Variants in IL1RAPL1 observed in about 807,000 individuals in gnomAD.
IL1RAPL1 encodes interleukin-1 receptor accessory protein-like 1.
IL1RAPL1 carries 3 observed loss-of-function variants against 48.4 expected under a neutral mutation model. The ratio of observed to expected loss-of-function variants is 0.06; its 90% CI spans 0.03 to 0.16. IL1RAPL1 has a LOEUF of 0.16. Ranked by LOEUF, IL1RAPL1 falls within the 10% of genes least tolerant of loss-of-function variation. The probability of loss-of-function intolerance (pLI) is 1.00; values close to 1 mark genes in which losing one functional copy is unlikely to be tolerated. For missense variants in IL1RAPL1, 349 were observed against 530.6 expected (o/e 0.66, Z 3.36); for synonymous variants, 185 against 187.7 (o/e 0.99, Z 0.12).
At chrX:29,785,511 T>C (rs1929475360) in intron 6 of IL1RAPL1, among the ~76,000 whole-genome samples, 1 of 112,362 alleles carries the variant, frequency 8.9e-6, no homozygotes, top group Non-Finnish European at 1.9e-5. Context: ...TTACAGATGC[T>C]TTATACATCT....
At chrX:29,079,943 A>G (rs1927763896) in intron 2 of IL1RAPL1, among the ~76,000 whole-genome samples, 1 of 111,694 alleles carries the variant, frequency 9.0e-6, no homozygotes, top group African/African-American at 3.3e-5. Flanking sequence ...CCAACAAACC[A>G]ATTTTGAATA....
In IL1RAPL1 at chrX:29,956,367, G is replaced by C. The variant is rs1352229605; in HGVS notation, c.*547G>C. 1.9e-5 allele frequency: 2 copies of C among 105,251 alleles called. No homozygotes were observed. The highest frequency in any genetic ancestry group is 1.0e-4 in the Admixed American group (1 of 9,685). The allele number at this position is 105,251 out of a possible 1,213,427, so 8.7% of individuals were successfully genotyped here. ...AAAAAAAAAGATGAGAAGAACACTT[G>C]TTCATAGGAGGGCCCCACCAGTCAG... On this transcript the variant is annotated 3_prime_UTR_variant, in exon 11 of 11. Transcript: ENST00000378993.
chrX:29,085,880 C>A (rs909427367), intron 2 of IL1RAPL1, among the ~76,000 whole-genome samples: 3 of 111,691 alleles, frequency 2.7e-5, no homozygotes, highest in African/African-American at 9.8e-5. Context: ...ATAAGTGAAA[C>A]CTCCAGGTTA....
chrX:29,100,475 A>C (rs767342562), intron 2 of IL1RAPL1, among the ~76,000 whole-genome samples: 28 of 111,384 alleles, frequency 2.5e-4, no homozygotes, highest in Non-Finnish European at 5.1e-4. Context: ...CCTACTAGCT[A>C]CTTTGATTGG....
chrX:29,624,659 A>T, intron 5 of IL1RAPL1, among the ~76,000 whole-genome samples: 1 of 105,551 alleles, frequency 9.5e-6, no homozygotes, highest in Non-Finnish European at 1.9e-5. Context: ...CGTGGGGGAA[A>T]CCCTGTTTTT....
intron 1 of IL1RAPL1, among the ~76,000 whole-genome samples, chrX:28,647,923 C>G (rs765133064): frequency 8.9e-6 from 1 of 111,748 alleles, no homozygotes; most frequent in Non-Finnish European, 1.9e-5. Flanking sequence ...CTTAAAACAT[C>G]TCTTCATATC....
At chrX:29,727,761 T>C (rs924016960) in intron 6 of IL1RAPL1, among the ~76,000 whole-genome samples, 2 of 111,646 alleles carry the variant, frequency 1.8e-5, no homozygotes, top group Non-Finnish European at 3.8e-5. Context: ...TTACAAGCAA[T>C]TGGCAAGTGT....
intron 2 of IL1RAPL1, among the ~76,000 whole-genome samples, chrX:29,199,175 G>A (rs1271622868): frequency 8.9e-6 from 1 of 111,773 alleles, no homozygotes; most frequent in Non-Finnish European, 1.9e-5. Context: ...AGAGATTGTT[G>A]TGAATATCAG....
At chrX:29,052,820 T>A (rs2147426183) in intron 2 of IL1RAPL1, among the ~76,000 whole-genome samples, 1 of 111,351 alleles carries the variant, frequency 9.0e-6, no homozygotes, top group East Asian at 2.8e-4. Flanking sequence ...TACAGGCACC[T>A]GCCACCACGC....
At chrX:29,179,709 C>T (rs767706505) in intron 2 of IL1RAPL1, among the ~76,000 whole-genome samples, 1 of 111,505 alleles carries the variant, frequency 9.0e-6, no homozygotes, top group South Asian at 3.8e-4. Context: ...ATAGGCTCTG[C>T]TGTGACTTTT....
At chrX:29,069,670 C>CACACACACACACACA (rs59221015) in intron 2 of IL1RAPL1, among the ~76,000 whole-genome samples, 3 of 105,128 alleles carry the variant, frequency 2.9e-5, no homozygotes, top group Non-Finnish European at 5.9e-5. Context: ...CACACACACA[C>CACACACACACACACA]CCCTCCCCTT....
intron 1 of IL1RAPL1, among the ~76,000 whole-genome samples, chrX:28,683,430 A>T (rs1935082190): frequency 9.0e-6 from 1 of 111,524 alleles, no homozygotes; most frequent in Non-Finnish European, 1.9e-5. Flanking sequence ...GTACTTAATT[A>T]TAATATTTTT....
intron 3 of IL1RAPL1, among the ~76,000 whole-genome samples, chrX:29,342,806 G>A (rs1933100878): frequency 8.9e-6 from 1 of 112,622 alleles, no homozygotes; most frequent in South Asian, 3.6e-4. Context: ...TGTTGATAAT[G>A]TGTTTCTCTT....
At chrX:29,676,174 T>C (rs1020013644) in intron 6 of IL1RAPL1, among the ~76,000 whole-genome samples, 3 of 111,785 alleles carry the variant, frequency 2.7e-5, no homozygotes, top group African/African-American at 9.7e-5. Flanking sequence ...GGTACCAAGA[T>C]AGTACTGCTT....
intron 5 of IL1RAPL1, among the ~76,000 whole-genome samples, chrX:29,480,744 T>C (rs941167927): frequency 1.8e-5 from 2 of 111,357 alleles, no homozygotes; most frequent in African/African-American, 3.3e-5. Context: ...TTATCTCCTT[T>C]TTTCCATTTT....
chrX:28,976,063 A>T (rs1237132182), intron 2 of IL1RAPL1, among the ~76,000 whole-genome samples: 1 of 112,246 alleles, frequency 8.9e-6, no homozygotes, highest in African/African-American at 3.2e-5. Context: ...ATCCATAAAA[A>T]TCATGTAATG....
At chrX:28,872,000 C>T (rs1187638147) in intron 2 of IL1RAPL1, among the ~76,000 whole-genome samples, 3 of 111,442 alleles carry the variant, frequency 2.7e-5, no homozygotes, top group Non-Finnish European at 3.8e-5. Flanking sequence ...TAACATAATT[C>T]TGCCTTATCA....
At position 28,962,935 on chromosome X, in the gene IL1RAPL1, C is replaced by A. The variant is rs180967645; in HGVS notation, c.82+173510C>A. Among the ~76,000 whole-genome samples, 19 of 107,051 alleles carry A rather than the reference C, an allele frequency of 1.8e-4. No individual in the cohort carries two copies. In the East Asian group the frequency reaches 5.3e-3, roughly 30 times the overall value. The allele number at this position is 107,051 out of a possible 115,157, so 93.0% of individuals were successfully genotyped here. A position where few individuals can be genotyped will look rare whatever the true frequency, so the allele number is the denominator to read the frequency against. On this transcript the variant is annotated intron_variant, in intron 2 of 10. Coordinates refer to ENST00000378993, the MANE Select transcript of IL1RAPL1 (RefSeq NM_014271.4). The stretch of plus-strand genomic sequence containing the variant: ...GTGTGTATGACATGTTGCTTGTTGG[C>A]TTTATTAGCTACTATCAAGTTTTTA...
At chrX:28,679,245 C>T (rs1038779808) in intron 1 of IL1RAPL1, among the ~76,000 whole-genome samples, 7 of 111,794 alleles carry the variant, frequency 6.3e-5, no homozygotes, top group Admixed American at 1.9e-4. Context: ...ATTTGTATGT[C>T]TTCTTTAGAG....
Sources: gnomAD v4.1 joint callset for allele counts (sites outside exome capture counted in the v4.1 genomes callset) on GRCh38, gnomAD v4.1.1 for gene constraint, MANE v1.5 for transcripts, NCBI Gene and HGNC (gene_info 2026-07-23, HGNC 2026-07-21) for gene names.